Variants in PTPRT observed in about 807,000 individuals in gnomAD.
PTPRT encodes receptor-type tyrosine-protein phosphatase T.
Under a neutral mutation model 176.8 loss-of-function variants are expected in PTPRT, and 56 were observed. The observed-to-expected ratio is 0.32, with a 90% CI of 0.26 to 0.40. PTPRT has a LOEUF of 0.40. Among genes scored for constraint, PTPRT ranks in the 10% least tolerant of loss-of-function variants. The pLI is 1.00. For missense variants in PTPRT, 1,540 were observed against 1,908.2 expected, an observed-to-expected ratio of 0.81 and a Z score of 3.60; for synonymous variants, 783 against 739.0, an observed-to-expected ratio of 1.06 and a Z score of -0.96.
At chr20:42,668,006 G>C (rs138522189) in intron 7 of PTPRT, among the ~76,000 whole-genome samples, 1,752 of 152,210 alleles carry the variant, frequency 0.012, 20 homozygotes, top group Non-Finnish European at 0.017. Context: ...GGATGTGCCT[G>C]GTTTGCTTCA....
chr20:42,889,977 C>G (rs903179971), intron 1 of PTPRT, among the ~76,000 whole-genome samples: 1 of 152,086 alleles, frequency 6.6e-6, no homozygotes, highest in African/African-American at 2.4e-5. Context: ...TAATAAAAGC[C>G]AAATTGCTCA....
At chr20:42,174,630 A>T (rs1029500213) in intron 16 of PTPRT, among the ~76,000 whole-genome samples, 6 of 152,162 alleles carry the variant, frequency 3.9e-5, no homozygotes, top group Admixed American at 2.0e-4. Flanking sequence ...TGAAAATTCT[A>T]GAGTGTTTGA....
intron 9 of PTPRT, among the ~76,000 whole-genome samples, chr20:42,372,748 G>T (rs773222380): frequency 6.6e-6 from 1 of 152,080 alleles, no homozygotes; most frequent in Non-Finnish European, 1.5e-5. Flanking sequence ...AAGGATTAGC[G>T]CCCTTATAAA....
At chr20:42,425,173 A>T (rs1178264288) in intron 9 of PTPRT, among the ~76,000 whole-genome samples, 1 of 152,080 alleles carries the variant, frequency 6.6e-6, no homozygotes, top group Non-Finnish European at 1.5e-5. Context: ...ACATTGATGA[A>T]CAAGACAAAA....
intron 27 of PTPRT, among the ~76,000 whole-genome samples, chr20:42,095,798 A>G (rs1288775680): frequency 6.6e-6 from 1 of 152,196 alleles, no homozygotes; most frequent in East Asian, 1.9e-4. Flanking sequence ...ATGCATTCCA[A>G]GCACCTAGAA....
chr20:42,852,073 A>G (rs1430171844), intron 2 of PTPRT, among the ~76,000 whole-genome samples: 1 of 152,194 alleles, frequency 6.6e-6, no homozygotes, highest in Non-Finnish European at 1.5e-5. Flanking sequence ...GTATTAAGTT[A>G]TTTTATAACT....
intron 15 of PTPRT, among the ~76,000 whole-genome samples, chr20:42,208,322 G>T (rs1349620217): frequency 1.1e-4 from 17 of 150,572 alleles, no homozygotes; most frequent in South Asian, 4.2e-4. Context: ...TGGACTAAAT[G>T]CTCCAATTAA....
intron 7 of PTPRT, among the ~76,000 whole-genome samples, chr20:42,556,346 C>T (rs1319873886): frequency 1.3e-5 from 2 of 152,128 alleles, no homozygotes; most frequent in Non-Finnish European, 2.9e-5. Flanking sequence ...CTGCAATTAG[C>T]TTGTGAGACA....
intron 8 of PTPRT, among the ~76,000 whole-genome samples, chr20:42,464,508 T>C (rs1016267169): frequency 2.1e-4 from 32 of 152,188 alleles, no homozygotes; most frequent in African/African-American, 7.5e-4. Context: ...ACTGTATCGA[T>C]AGCATCTACA....
At chr20:42,593,381 CCT>C (rs1261928258) in intron 7 of PTPRT, among the ~76,000 whole-genome samples, 1 of 152,128 alleles carries the variant, frequency 6.6e-6, no homozygotes, top group Non-Finnish European at 1.5e-5. Flanking sequence ...AGAAACCTTC[CCT>C]GTCTGCCCTC....
intron 2 of PTPRT, among the ~76,000 whole-genome samples, chr20:42,802,047 C>T (rs2077538431): frequency 6.6e-6 from 1 of 152,202 alleles, no homozygotes. Context: ...TATCATTTCC[C>T]TCTGAAACAG....
At chr20:42,492,938 C>G (rs1196317002) in intron 7 of PTPRT, among the ~76,000 whole-genome samples, 1 of 152,140 alleles carries the variant, frequency 6.6e-6, no homozygotes. Context: ...TTTATTCATT[C>G]TATTTCTCAG....
intron 11 of PTPRT, among the ~76,000 whole-genome samples, chr20:42,331,419 GTTT>G (rs11086829): frequency 4.8e-4 from 72 of 149,880 alleles, no homozygotes; most frequent in Non-Finnish European, 5.6e-4. Context: ...TCTCTGAACA[GTTT>G]TTTTTTTTTT....
intron 27 of PTPRT, among the ~76,000 whole-genome samples, chr20:42,093,554 C>T (rs1476289315): frequency 3.3e-5 from 5 of 152,178 alleles, no homozygotes; most frequent in African/African-American, 1.2e-4. Context: ...AAAAATAAGG[C>T]CCTGTGAGAG....
At chr20:43,027,566 C>T (rs1985966893) in intron 1 of PTPRT, among the ~76,000 whole-genome samples, 1 of 151,848 alleles carries the variant, frequency 6.6e-6, no homozygotes, top group Admixed American at 6.6e-5. Flanking sequence ...AGAGAGACAG[C>T]AGGGACGTGT....
intron 1 of PTPRT, among the ~76,000 whole-genome samples, chr20:43,006,052 C>T (rs1036069628): frequency 6.6e-6 from 1 of 152,154 alleles, no homozygotes; most frequent in Non-Finnish European, 1.5e-5. Context: ...CTTACAAAAT[C>T]AGCATACAAT....
intron 27 of PTPRT, among the ~76,000 whole-genome samples, chr20:42,093,225 G>T (rs3092503): frequency 0.62 from 94,732 of 151,902 alleles, 29,993 homozygotes; most frequent in African/African-American, 0.73. Context: ...ACCACAAAGA[G>T]GGAAAAGATC....
chr20:42,691,620 C>T (rs2075795135), intron 6 of PTPRT, among the ~76,000 whole-genome samples: 2 of 152,196 alleles, frequency 1.3e-5, no homozygotes, highest in Non-Finnish European at 2.9e-5. Context: ...AAACGAGCTT[C>T]TTCCAAATCC....
chr20:42,643,407 A>G (rs1265987203), intron 7 of PTPRT, among the ~76,000 whole-genome samples: 6 of 151,926 alleles, frequency 3.9e-5, no homozygotes, highest in South Asian at 2.1e-4. Context: ...TGCAGCCTCA[A>G]CCTCCCAGGT....
Sources: allele counts gnomAD v4.1 joint callset (sites outside exome capture counted in the v4.1 genomes callset), GRCh38; gene constraint gnomAD v4.1.1; transcripts MANE v1.5; gene names NCBI Gene and HGNC (gene_info 2026-07-23, HGNC 2026-07-21).